The following ENOX1 variants were observed in gnomAD, a reference collection of about 807,000 sequenced individuals.
The protein encoded by ENOX1 is ecto-NOX disulfide-thiol exchanger 1, also known as candidate growth-related and time keeping constitutive hydroquinone (NADH) oxidase.
ENOX1 carries 42 observed loss-of-function variants against 82.5 expected under a neutral mutation model. The observed-to-expected ratio is 0.51, with a 90% confidence interval of 0.40 to 0.66. The LOEUF (loss-of-function observed/expected upper bound fraction) is 0.66, where lower values mean the gene tolerates loss of function less well. Among genes scored for constraint, ENOX1 ranks in the 30% least tolerant of loss-of-function variants. The pLI is 0.00. For synonymous variants in ENOX1, 271 were observed against 282.2 expected (o/e 0.96, Z 0.40); for missense variants, 608 against 811.6 (o/e 0.75, Z 3.05).
chr13:43,278,827 TCA>T (rs2045214957), intron 12 of ENOX1, among the ~76,000 whole-genome samples: 1 of 152,206 alleles, frequency 6.6e-6, no homozygotes, highest in South Asian at 2.1e-4. Flanking sequence ...TTTCCTTTTA[TCA>T]CACTATTTAA....
intron 2 of ENOX1, among the ~76,000 whole-genome samples, chr13:43,501,841 T>G (rs1006978824): frequency 1.7e-4 from 25 of 143,788 alleles, no homozygotes; most frequent in African/African-American, 6.0e-4. Flanking sequence ...TTTAAAGAAC[T>G]AGAAAAAGAA....
At chr13:43,463,686 T>C (rs990412559) in intron 3 of ENOX1, among the ~76,000 whole-genome samples, 1 of 152,206 alleles carries the variant, frequency 6.6e-6, no homozygotes, top group Non-Finnish European at 1.5e-5. Context: ...CCTCTCAATA[T>C]GTTGTACACA....
chr13:43,394,152 C>A (rs940779445), intron 5 of ENOX1, among the ~76,000 whole-genome samples: 2 of 152,166 alleles, frequency 1.3e-5, no homozygotes, highest in Non-Finnish European at 2.9e-5. Context: ...CTCAGGGATT[C>A]TTTTACAGCA....
At chr13:43,402,029 A>C (rs2053526822) in intron 5 of ENOX1, among the ~76,000 whole-genome samples, 1 of 152,326 alleles carries the variant, frequency 6.6e-6, no homozygotes. Context: ...GCATGCAAAG[A>C]AACAGAAAAA....
At chr13:43,460,507 AAGTGGGAT>A (rs1057262292) in intron 3 of ENOX1, among the ~76,000 whole-genome samples, 15 of 152,094 alleles carry the variant, frequency 9.9e-5, no homozygotes, top group African/African-American at 3.1e-4. Flanking sequence ...CTGTGTTAAA[AAGTGGGAT>A]AGCTGCCGGG....
intron 1 of ENOX1, among the ~76,000 whole-genome samples, chr13:43,785,372 C>A (rs1213474098): frequency 6.6e-6 from 1 of 152,174 alleles, no homozygotes; most frequent in Non-Finnish European, 1.5e-5. Context: ...CCCACTTTCT[C>A]CACCCTCTTC....
intron 2 of ENOX1, among the ~76,000 whole-genome samples, chr13:43,664,263 G>A (rs567782749): frequency 2.2e-4 from 34 of 152,272 alleles, no homozygotes; most frequent in African/African-American, 7.7e-4. Flanking sequence ...GAATCTTATA[G>A]CTGAGTTTTC....
intron 14 of ENOX1, among the ~76,000 whole-genome samples, chr13:43,259,086 G>A (rs551153769): frequency 2.6e-5 from 4 of 152,300 alleles, no homozygotes; most frequent in Admixed American, 2.6e-4. Flanking sequence ...AACACATGCT[G>A]ATCACATCAG....
intron 2 of ENOX1, among the ~76,000 whole-genome samples, chr13:43,639,998 CA>C (rs2083568912): frequency 6.6e-6 from 1 of 152,164 alleles, no homozygotes; most frequent in Non-Finnish European, 1.5e-5. Context: ...CACTGCACTC[CA>C]GCCTGGGCAA....
intron 8 of ENOX1, among the ~76,000 whole-genome samples, chr13:43,355,482 T>C (rs1265202617): frequency 6.6e-6 from 1 of 152,184 alleles, no homozygotes; most frequent in Non-Finnish European, 1.5e-5. Context: ...AGGAGTCTGG[T>C]AAACATGCAC....
At chr13:43,470,398 G>GTA (rs1249724932) in intron 3 of ENOX1, among the ~76,000 whole-genome samples, 3 of 32,322 alleles carry the variant, frequency 9.3e-5, no homozygotes, top group Admixed American at 2.3e-4. Flanking sequence ...GTATATATAT[G>GTA]TGTATATATA....
At chr13:43,541,173 G>GTTTTTTTTCTTTTTTTTTTTTTTTTTT (rs2078697780) in intron 2 of ENOX1, among the ~76,000 whole-genome samples, 1 of 64,574 alleles carries the variant, frequency 1.5e-5, no homozygotes, top group Non-Finnish European at 3.2e-5. Context: ...TCTTCCCTCT[G>GTTTTTTTTCTTTTTTTTTTTTTTTTTT]TTTTTTTTTT....
At chr13:43,329,166 A>G (rs2048285467) in intron 9 of ENOX1, among the ~76,000 whole-genome samples, 1 of 152,202 alleles carries the variant, frequency 6.6e-6, no homozygotes, top group Admixed American at 6.5e-5. Context: ...TGGGAGGATG[A>G]GTGAAAGTAG....
At chr13:43,777,857 G>A (rs77299263) in intron 1 of ENOX1, among the ~76,000 whole-genome samples, 129 of 152,188 alleles carry the variant, frequency 8.5e-4, no homozygotes, top group Non-Finnish European at 1.5e-3. Context: ...CAATTATCCC[G>A]AAATAAAATG....
intron 1 of ENOX1, among the ~76,000 whole-genome samples, chr13:43,694,320 T>C (rs1302844584): frequency 6.6e-6 from 1 of 152,168 alleles, no homozygotes; most frequent in Non-Finnish European, 1.5e-5. Context: ...CCTGGAAATT[T>C]TGACCACTTC....
At chr13:43,557,139 A>G (rs1045134273) in intron 2 of ENOX1, among the ~76,000 whole-genome samples, 1 of 152,188 alleles carries the variant, frequency 6.6e-6, no homozygotes, top group Non-Finnish European at 1.5e-5. Flanking sequence ...TGCATATCTT[A>G]AGGTAGGAAA....
intron 2 of ENOX1, among the ~76,000 whole-genome samples, chr13:43,623,709 C>G (rs530066823): frequency 6.6e-6 from 1 of 152,278 alleles, no homozygotes; most frequent in East Asian, 1.9e-4. Context: ...GCACACTGCT[C>G]TGTCCAGAGA....
chr13:43,425,622 T>C (rs1209400831), intron 3 of ENOX1, among the ~76,000 whole-genome samples: 1 of 152,184 alleles, frequency 6.6e-6, no homozygotes, highest in Non-Finnish European at 1.5e-5. Flanking sequence ...AGTCTATTTT[T>C]TTAACTAGGG....
At chr13:43,342,952 C>T (rs936709268) in intron 9 of ENOX1, among the ~76,000 whole-genome samples, 1 of 152,138 alleles carries the variant, frequency 6.6e-6, no homozygotes, top group African/African-American at 2.4e-5. Flanking sequence ...CCAAAGAAAA[C>T]GAAGTTCTCA....
Sources: gnomAD v4.1 joint callset for allele counts (sites outside exome capture counted in the v4.1 genomes callset) on GRCh38, gnomAD v4.1.1 for gene constraint, MANE v1.5 for transcripts, NCBI Gene and HGNC (gene_info 2026-07-23, HGNC 2026-07-21) for gene names.